TSPEAR: variants seen among roughly 807,000 people sequenced by gnomAD.
The protein encoded by TSPEAR is thrombospondin-type laminin G domain and EAR repeat-containing protein.
A neutral mutation model predicts 71.6 loss-of-function variants in TSPEAR; 69 were observed. That is an observed-to-expected ratio of 0.96 (90% confidence interval 0.79 to 1.18). The LOEUF (loss-of-function observed/expected upper bound fraction) is 1.18. Ranked by LOEUF, TSPEAR falls within the 50% of genes most tolerant of loss-of-function variation. The probability of loss-of-function intolerance (pLI) is 0.00; values close to 1 mark genes in which losing one functional copy is unlikely to be tolerated. For synonymous variants in TSPEAR, 402 were observed against 387.2 expected (o/e 1.04, Z -0.45); for missense variants, 971 against 894.9 (o/e 1.09, Z -1.09).
At chr21:44,526,260 A>G (rs1240595644) in intron 7 of TSPEAR, among the ~76,000 whole-genome samples, 2 of 152,206 alleles carry the variant, frequency 1.3e-5, no homozygotes, top group Non-Finnish European at 2.9e-5. Flanking sequence ...AAACATGAAC[A>G]TGGCGCAATG....
chr21:44,684,709 C>A (rs542549223), intron 1 of TSPEAR, among the ~76,000 whole-genome samples: 2 of 151,110 alleles, frequency 1.3e-5, no homozygotes, highest in Non-Finnish European at 3.0e-5. Context: ...AGGCAACGTG[C>A]ACGGATGTGC....
At chr21:44,514,961 G>A (rs1555913176) in intron 9 of TSPEAR, among the ~76,000 whole-genome samples, 1 of 152,128 alleles carries the variant, frequency 6.6e-6, no homozygotes, top group African/African-American at 2.4e-5. Flanking sequence ...CCCTGGGAAT[G>A]CGCCCACCCT....
intron 1 of TSPEAR, chr21:44,637,633 C>T (rs1983694991): frequency 1.2e-6 from 2 of 1,614,016 alleles, no homozygotes; most frequent in Middle Eastern, 1.7e-4. Flanking sequence ...CCTGCACAAC[C>T]CCATGCTACC....
At chr21:44,580,992 A>G (rs1313992701) in intron 1 of TSPEAR, among the ~76,000 whole-genome samples, 4 of 152,238 alleles carry the variant, frequency 2.6e-5, no homozygotes, top group Non-Finnish European at 5.9e-5. Context: ...CTGATTGGAT[A>G]TATTTTATTA....
chr21:44,698,036 C>A, intron 1 of TSPEAR: 1 of 1,438,984 alleles, frequency 6.9e-7, no homozygotes, highest in Non-Finnish European at 9.5e-7. Flanking sequence ...ACTGGCCCCT[C>A]GGCTGCTCTG....
In TSPEAR at chr21:44,500,303, G is replaced by A. The variant is rs141999412; in HGVS notation, c.1857-367C>T. 4.9e-3 allele frequency among the ~76,000 whole-genome samples: 752 copies of A among 152,268 alleles called. 8 individuals carry two copies. The highest frequency in any genetic ancestry group is 0.017 in the African/African-American group (718 of 41,548). On this transcript the variant is annotated intron_variant, in intron 11 of 11. Transcript: ENST00000323084. ...CCCTCAAACACACGCAGGCCACCAC[G>A]CAGGCTGGAACCCCTCCGTCCTCAG...
chr21:44,534,428 G>A (rs2053051715), intron 2 of TSPEAR, among the ~76,000 whole-genome samples: 2 of 142,036 alleles, frequency 1.4e-5, no homozygotes, highest in Admixed American at 7.0e-5. Context: ...GTGTGTGAGG[G>A]GGCAGGGTTG....
chr21:44,572,834 GACAC>G (rs71199612), intron 1 of TSPEAR, among the ~76,000 whole-genome samples: 18,559 of 124,594 alleles, frequency 0.15, 1,459 homozygotes, highest in African/African-American at 0.2. Flanking sequence ...GGGAGATTTG[GACAC>G]ACACACACAC....
intron 1 of TSPEAR, chr21:44,681,682 A>C: frequency 9.5e-7 from 1 of 1,049,500 alleles, no homozygotes; most frequent in Non-Finnish European, 1.4e-6. Flanking sequence ...GCTCCAGATC[A>C]TTCTATTATA....
At chr21:44,676,288 G>T in intron 1 of TSPEAR, 1 of 1,227,836 alleles carries the variant, frequency 8.1e-7, no homozygotes. Context: ...CAGGGACTCT[G>T]GAGGGATAGC....
rs1982577714 is a variant in TSPEAR, at chr21:44,623,468, T to A, written c.83-55463A>T. On this transcript the variant is annotated intron_variant, in intron 1 of 11. Coordinates refer to ENST00000323084, the MANE Select transcript of TSPEAR (RefSeq NM_144991.3). This position sits in a 1 kb window ranked among gnomAD's most constrained non-coding sequence, Gnocchi z 4.5. ...TAAATATTTTACAACTTCTAAGACATCTTATACAGTAAATATTCATTTAGA... is the reference window on the plus strand; with the variant it reads ...TAAATATTTTACAACTTCTAAGACAACTTATACAGTAAATATTCATTTAGA... Among the ~76,000 whole-genome samples the A allele has an allele frequency of 6.6e-6, 1 of 152,252 alleles. No homozygotes were observed. Among genetic ancestry groups the A allele is most frequent in the South Asian group, 2.1e-4 (1 of 4,832 alleles).
intron 1 of TSPEAR, among the ~76,000 whole-genome samples, chr21:44,696,250 A>G (rs1347653072): frequency 6.6e-6 from 1 of 152,166 alleles, no homozygotes; most frequent in Admixed American, 6.5e-5. Flanking sequence ...CGCCATGTCT[A>G]AACCATGCTC....
At chr21:44,658,238 C>T (rs1203431657) in intron 1 of TSPEAR, 1 of 1,613,970 alleles carries the variant, frequency 6.2e-7, no homozygotes, top group Non-Finnish European at 8.5e-7. Context: ...CCTCTGCAGA[C>T]CCATCTCCTG....
At chr21:44,512,751 G>A (rs937822693) in intron 9 of TSPEAR, among the ~76,000 whole-genome samples, 8 of 152,202 alleles carry the variant, frequency 5.3e-5, no homozygotes, top group African/African-American at 1.2e-4. Flanking sequence ...AAGGTGGGGC[G>A]TGTATTTGTT....
At chr21:44,627,446 C>A (rs367973343) in intron 1 of TSPEAR, 1 of 1,613,696 alleles carries the variant, frequency 6.2e-7, no homozygotes, top group Admixed American at 1.7e-5. Context: ...TACTGCACCT[C>A]CTCCCCCTGC....
At chr21:44,558,659 C>T in intron 2 of TSPEAR, 1 of 1,613,318 alleles carries the variant, frequency 6.2e-7, no homozygotes, top group Non-Finnish European at 8.5e-7. Context: ...GGCAGGCGTC[C>T]ACCTGCCAGG....
rs947381246 is a variant in TSPEAR at position 44,567,902 on chromosome 21, T to C, written c.186A>G (p.Ser62=). 6.2e-7 allele frequency: 1 copy of C among 1,608,428 alleles called. No individual in the cohort carries two copies. The highest frequency in any genetic ancestry group is 8.5e-7 in the Non-Finnish European group (1 of 1,176,504). ...QVHGARGLQL[S]VAAPRTMSFP... is the part of the protein sequence containing the mutation. ...AGCTCATGGTGCGGGGGGCGGCTAC[T>C]GAGAGCTGGAGTCCCCGTGCACCGT... The change falls in exon 2 of 12, where the codon TCA becomes TCG. Residue 62 remains serine (S), a synonymous_variant. Coordinates refer to ENST00000323084, the MANE Select transcript of TSPEAR (RefSeq NM_144991.3).
intron 1 of TSPEAR, among the ~76,000 whole-genome samples, chr21:44,696,707 G>A (rs1555950561): frequency 2.0e-5 from 3 of 152,220 alleles, no homozygotes; most frequent in African/African-American, 7.2e-5. Flanking sequence ...ATAATAGTAA[G>A]CAATACCAAA....
chr21:44,694,828 G>T (rs1555950240), intron 1 of TSPEAR, among the ~76,000 whole-genome samples: 1 of 152,226 alleles, frequency 6.6e-6, no homozygotes, highest in Non-Finnish European at 1.5e-5. Context: ...GAGGAAGTGG[G>T]GAGAAGGCGG....
Sources: allele counts gnomAD v4.1 joint callset (sites outside exome capture counted in the v4.1 genomes callset), GRCh38; gene constraint gnomAD v4.1.1; non-coding constraint Gnocchi (gnomAD v3.1); transcripts MANE v1.5; gene names NCBI Gene and HGNC (gene_info 2026-07-23, HGNC 2026-07-21).